SCAI: variants seen among roughly 807,000 people sequenced by gnomAD.
SCAI encodes the protein suppressor of cancer cell invasion.
A neutral mutation model predicts 92.2 loss-of-function variants in SCAI; 24 were observed. The observed-to-expected ratio is 0.26, with a 90% CI of 0.19 to 0.37. SCAI has a LOEUF of 0.37. SCAI is among the 10% of genes least tolerant of loss of function. The pLI, the probability that SCAI is intolerant of heterozygous loss-of-function variation, is 1.00. For synonymous variants in SCAI, 261 were observed against 258.6 expected, an observed-to-expected ratio of 1.01 and a Z score of -0.09; for missense variants, 450 against 736.2, an observed-to-expected ratio of 0.61 and a Z score of 4.50.
Position 124,950,771 on chromosome 9 carries a change from A to C in SCAI, c.*2036T>G, listed in dbSNP as rs1831223720. 6.6e-6 allele frequency: 1 copy of C among 152,208 alleles called. No homozygotes were observed. Among genetic ancestry groups the C allele is most frequent in the South Asian group, 2.1e-4 (1 of 4,836 alleles). 9.4% of individuals were successfully genotyped at this position (152,208 alleles called of 1,614,324 possible). On this transcript the variant is annotated 3_prime_UTR_variant, in exon 18 of 18. Transcript: ENST00000336505. ...AAAATTTTTAAAAAGTAAACAGGCC[A>C]GGTACAGTGGCTCACACCTGTAATC...
At chr9:124,971,268 T>A (rs1237887622) in intron 17 of SCAI, 102 bp downstream of exon 17, 2 of 542,888 alleles carry the variant, frequency 3.7e-6, no homozygotes, top group Non-Finnish European at 6.3e-6. Context: ...TCCAAAATAA[T>A]ATTATTTTAT....
chr9:125,013,922 C>T (rs1351248620), intron 9 of SCAI, among the ~76,000 whole-genome samples: 1 of 152,102 alleles, frequency 6.6e-6, no homozygotes, highest in Non-Finnish European at 1.5e-5. Context: ...GAACCAAAGA[C>T]AAAAACCACA....
intron 14 of SCAI, among the ~76,000 whole-genome samples, chr9:124,994,417 C>T (rs77915849): frequency 0.017 from 2,640 of 152,198 alleles, 75 homozygotes; most frequent in African/African-American, 0.06. Context: ...AAGTTAGATC[C>T]CTGTCACTTA....
chr9:125,084,996 T>C (rs1208174158), intron 2 of SCAI, among the ~76,000 whole-genome samples: 1 of 152,212 alleles, frequency 6.6e-6, no homozygotes, highest in African/African-American at 2.4e-5. Context: ...TTCAGTTTCT[T>C]CATTTGTATG....
chr9:125,007,852 CT>C (rs111813442), intron 9 of SCAI, among the ~76,000 whole-genome samples: 96 of 145,742 alleles, frequency 6.6e-4, no homozygotes, highest in East Asian at 6.0e-4. Context: ...TTTTCTTTTT[CT>C]TTTTTTTTTT....
intron 2 of SCAI, among the ~76,000 whole-genome samples, chr9:125,115,932 C>T (rs1235477939): frequency 2.0e-5 from 3 of 152,164 alleles, no homozygotes; most frequent in East Asian, 1.9e-4. Flanking sequence ...CAGTGCCTCA[C>T]GCCTGTAATC....
At chr9:125,055,688 T>C (rs977008976) in intron 3 of SCAI, among the ~76,000 whole-genome samples, 188 bp downstream of exon 3, 1 of 152,190 alleles carries the variant, frequency 6.6e-6, no homozygotes, top group Non-Finnish European at 1.5e-5. Context: ...GTGTAAGTTA[T>C]CCTCTTTTCC....
At chr9:125,134,243 T>C (rs531770542) in intron 2 of SCAI, among the ~76,000 whole-genome samples, 1 of 152,262 alleles carries the variant, frequency 6.6e-6, no homozygotes, top group South Asian at 2.1e-4. Flanking sequence ...TCACTACCAC[T>C]ATGCAGAATT....
At chr9:125,055,105 T>C (rs920306914) in intron 3 of SCAI, among the ~76,000 whole-genome samples, 1 of 152,206 alleles carries the variant, frequency 6.6e-6, no homozygotes, top group African/African-American at 2.4e-5. Context: ...GGATGTATAA[T>C]ACAATTGTAA....
At chr9:125,117,427 A>G (rs1835067104) in intron 2 of SCAI, among the ~76,000 whole-genome samples, 1 of 152,102 alleles carries the variant, frequency 6.6e-6, no homozygotes, top group South Asian at 2.1e-4. Flanking sequence ...GCACTTTGGG[A>G]GGCTGAGGTG....
intron 3 of SCAI, among the ~76,000 whole-genome samples, chr9:125,041,856 A>T (rs1239469406): frequency 1.3e-5 from 2 of 152,186 alleles, no homozygotes; most frequent in African/African-American, 4.8e-5. Context: ...TAAATTTTTT[A>T]AAATTTGTCC....
intron 2 of SCAI, among the ~76,000 whole-genome samples, chr9:125,076,424 AG>A (rs1480934356): frequency 2.6e-5 from 4 of 151,958 alleles, no homozygotes; most frequent in Non-Finnish European, 5.9e-5. Context: ...GCTTGAACCC[AG>A]GGGGTGGAGG....
chr9:125,068,515 CAAA>C (rs377610800), intron 2 of SCAI, among the ~76,000 whole-genome samples: 7 of 151,298 alleles, frequency 4.6e-5, no homozygotes, highest in African/African-American at 1.7e-4. Flanking sequence ...ACAACAACAA[CAAA>C]AAAATACAAC....
At chr9:124,986,316 C>A (rs1423307380) in intron 14 of SCAI, among the ~76,000 whole-genome samples, 1 of 151,936 alleles carries the variant, frequency 6.6e-6, no homozygotes, top group Non-Finnish European at 1.5e-5. Flanking sequence ...TAGAAAAGGG[C>A]AATGGAATAC....
intron 2 of SCAI, among the ~76,000 whole-genome samples, chr9:125,096,242 G>A (rs1834549437): frequency 6.6e-6 from 1 of 152,190 alleles, no homozygotes; most frequent in Admixed American, 6.5e-5. Flanking sequence ...GAGAGAGCTT[G>A]TGCAGGGGAA....
chr9:125,079,897 T>C (rs1271676792), intron 2 of SCAI, among the ~76,000 whole-genome samples: 7 of 152,214 alleles, frequency 4.6e-5, no homozygotes, highest in Non-Finnish European at 1.0e-4. Context: ...GAAGGGAATA[T>C]GTGCACAACA....
At chr9:125,034,306 C>T (rs1005310478) in intron 3 of SCAI, among the ~76,000 whole-genome samples, 1 of 152,112 alleles carries the variant, frequency 6.6e-6, no homozygotes, top group African/African-American at 2.4e-5. Flanking sequence ...GGAGAAGAGG[C>T]AAAAGGTAAG....
intron 6 of SCAI, 135 bp from the exon 7 acceptor site, chr9:125,020,904 T>C (rs958444818): frequency 4.2e-6 from 2 of 476,970 alleles, no homozygotes; most frequent in Non-Finnish European, 7.4e-6. Flanking sequence ...TATAAGCATA[T>C]AGTCTTTTTA....
intron 2 of SCAI, among the ~76,000 whole-genome samples, chr9:125,131,952 A>C (rs994159914): frequency 1.3e-5 from 2 of 152,208 alleles, no homozygotes; most frequent in Non-Finnish European, 2.9e-5. Flanking sequence ...ACCTACAGAA[A>C]TACCCTGCAG....
Sources: allele counts gnomAD v4.1 joint callset (sites outside exome capture counted in the v4.1 genomes callset), GRCh38; gene constraint gnomAD v4.1.1; transcripts MANE v1.5; gene names NCBI Gene and HGNC (gene_info 2026-07-23, HGNC 2026-07-21).